The following GPC6 variants were observed in gnomAD, a reference collection of about 807,000 sequenced individuals.
The protein encoded by GPC6 is glypican 6.
Under a neutral mutation model 55.2 loss-of-function variants are expected in GPC6, and 14 were observed. The observed-to-expected ratio is 0.25, with a 90% confidence interval of 0.17 to 0.40. The LOEUF is 0.40. GPC6 is among the 10% of genes least tolerant of loss of function. The pLI is 1.00. For synonymous variants in GPC6, 278 were observed against 259.6 expected (o/e 1.07, Z -0.68); for missense variants, 641 against 708.5 (o/e 0.90, Z 1.08).
chr13:93,941,690 G>A (rs180706687), intron 3 of GPC6, among the ~76,000 whole-genome samples: 212 of 152,286 alleles, frequency 1.4e-3, no homozygotes, highest in Admixed American at 2.3e-3. Context: ...TTTAGAGAAA[G>A]ATGATATGCC....
intron 3 of GPC6, among the ~76,000 whole-genome samples, chr13:93,991,954 C>T (rs557311411): frequency 2.6e-4 from 39 of 151,894 alleles, no homozygotes; most frequent in Admixed American, 1.8e-3. Flanking sequence ...TGTGTATTTC[C>T]ATAAAACTAT....
chr13:94,170,817 G>A (rs1466845761), intron 4 of GPC6, among the ~76,000 whole-genome samples: 1 of 152,192 alleles, frequency 6.6e-6, no homozygotes, highest in Non-Finnish European at 1.5e-5. Flanking sequence ...GAGCCATCAT[G>A]TTTAATTTGG....
intron 1 of GPC6, among the ~76,000 whole-genome samples, chr13:93,388,194 G>C (rs183323944): frequency 1.3e-5 from 2 of 152,264 alleles, no homozygotes; most frequent in East Asian, 1.9e-4. Context: ...TTGGCTCCAG[G>C]GTGCAAGCTT....
At chr13:93,680,796 C>A (rs1207697687) in intron 2 of GPC6, among the ~76,000 whole-genome samples, 1 of 152,130 alleles carries the variant, frequency 6.6e-6, no homozygotes, top group Non-Finnish European at 1.5e-5. Context: ...GTATCAATAT[C>A]TCCAAGTATG....
intron 3 of GPC6, among the ~76,000 whole-genome samples, chr13:94,024,284 TTTA>T (rs1256650672): frequency 1.3e-5 from 2 of 151,834 alleles, no homozygotes; most frequent in African/African-American, 4.8e-5. Context: ...TACACAGGAG[TTTA>T]TTATTTTTTA....
chr13:93,673,066 G>A (rs764081290), intron 2 of GPC6, among the ~76,000 whole-genome samples: 1 of 152,070 alleles, frequency 6.6e-6, no homozygotes, highest in Non-Finnish European at 1.5e-5. Flanking sequence ...GAAAATAAAC[G>A]TGAAGATGTA....
intron 1 of GPC6, among the ~76,000 whole-genome samples, chr13:93,375,741 C>T (rs1156611521): frequency 6.6e-6 from 1 of 152,148 alleles, no homozygotes; most frequent in Non-Finnish European, 1.5e-5. Context: ...TCCCTTGGCC[C>T]TGATTTCATG....
chr13:94,086,008 A>ACTGAATATT (rs1885269323), intron 4 of GPC6, among the ~76,000 whole-genome samples: 1 of 152,170 alleles, frequency 6.6e-6, no homozygotes, highest in Non-Finnish European at 1.5e-5. Flanking sequence ...CTGTAAAGAC[A>ACTGAATATT]CTGAATATTC....
chr13:94,279,619 T>C (rs1467951376), intron 4 of GPC6, among the ~76,000 whole-genome samples: 1 of 152,170 alleles, frequency 6.6e-6, no homozygotes, highest in Non-Finnish European at 1.5e-5. Context: ...TTTAGGTGTG[T>C]CCCAGAGATT....
intron 6 of GPC6, among the ~76,000 whole-genome samples, chr13:94,330,112 C>G (rs2139140896): frequency 6.6e-6 from 1 of 152,352 alleles, no homozygotes; most frequent in Middle Eastern, 3.4e-3. Flanking sequence ...TCGATCAGGA[C>G]TGATAACTCC....
intron 4 of GPC6, among the ~76,000 whole-genome samples, chr13:94,087,869 C>A (rs1385735858): frequency 2.0e-5 from 3 of 152,210 alleles, no homozygotes; most frequent in Non-Finnish European, 2.9e-5. Context: ...CTGATAAGAT[C>A]TTTTGTATCC....
rs191644568 is a variant in GPC6, at chr13:94,092,969, T to C, written c.877+65075T>C. ...TTTGCCCATTTTTAATTGGATTATT[T>C]GTTTTCTGGCTGAGTTGTTTAAGTT... On this transcript the variant is annotated intron_variant, in intron 4 of 8. Coordinates refer to ENST00000377047, the MANE Select transcript of GPC6 (RefSeq NM_005708.5). Among the ~76,000 whole-genome samples, 8 of 152,234 alleles carry C rather than the reference T, an allele frequency of 5.3e-5. No homozygotes were observed. In the East Asian group the frequency reaches 1.2e-3, roughly 22 times the overall value.
intron 2 of GPC6, among the ~76,000 whole-genome samples, chr13:93,633,499 A>G (rs563105455): frequency 7.2e-5 from 11 of 152,114 alleles, no homozygotes; most frequent in Admixed American, 7.2e-4. Flanking sequence ...TACAAAAATT[A>G]GCTGGGTGTG....
chr13:93,823,923 G>A (rs897792038), intron 2 of GPC6, among the ~76,000 whole-genome samples: 2 of 152,068 alleles, frequency 1.3e-5, no homozygotes, highest in Non-Finnish European at 2.9e-5. Context: ...CAGAGCAAAG[G>A]AAAGTGTGAA....
chr13:93,258,902 A>G (rs1877042631), intron 1 of GPC6, among the ~76,000 whole-genome samples: 1 of 152,142 alleles, frequency 6.6e-6, no homozygotes, highest in African/African-American at 2.4e-5. Context: ...GGGAGCTTTG[A>G]TTGTACCAGT....
chr13:94,196,484 A>T (rs9516362), intron 4 of GPC6, among the ~76,000 whole-genome samples: 209 of 152,334 alleles, frequency 1.4e-3, no homozygotes, highest in Admixed American at 3.3e-3. Flanking sequence ...AAGTAACAAC[A>T]GAAAATATCA....
At chr13:93,841,272 C>T (rs769591020) in intron 3 of GPC6, among the ~76,000 whole-genome samples, 5 of 152,008 alleles carry the variant, frequency 3.3e-5, no homozygotes, top group South Asian at 2.1e-4. Flanking sequence ...CATAGTGAAG[C>T]GGGACTTATA....
intron 3 of GPC6, among the ~76,000 whole-genome samples, chr13:93,910,249 C>G (rs1373571268): frequency 6.6e-6 from 1 of 152,054 alleles, no homozygotes; most frequent in Non-Finnish European, 1.5e-5. Context: ...ATAAGTCTCA[C>G]AATTATAAAG....
chr13:93,309,102 C>T (rs1349209042), intron 1 of GPC6, among the ~76,000 whole-genome samples: 1 of 152,012 alleles, frequency 6.6e-6, no homozygotes, highest in African/African-American at 2.4e-5. Flanking sequence ...TATTTTCCTC[C>T]CGTCAAAGAG....
Sources: gnomAD v4.1 joint callset for allele counts (sites outside exome capture counted in the v4.1 genomes callset) on GRCh38, gnomAD v4.1.1 for gene constraint, MANE v1.5 for transcripts, NCBI Gene and HGNC (gene_info 2026-07-23, HGNC 2026-07-21) for gene names.